TBC1D32: variants seen among roughly 807,000 people sequenced by gnomAD.
The protein encoded by TBC1D32 is protein broad-minded.
A neutral mutation model predicts 170.3 loss-of-function variants in TBC1D32; 151 were observed. The ratio of observed to expected loss-of-function variants is 0.89; its 90% confidence interval spans 0.78 to 1.01. TBC1D32 has a LOEUF of 1.01. TBC1D32 is among the 50% of genes least tolerant of loss of function. The pLI is 0.00. For synonymous variants in TBC1D32, 498 were observed against 488.0 expected (o/e 1.02, Z -0.27); for missense variants, 1,464 against 1,457.1 (o/e 1.00, Z -0.08).
intron 17 of TBC1D32, among the ~76,000 whole-genome samples, chr6:121,245,074 G>A (rs1365181149): frequency 6.6e-6 from 1 of 152,160 alleles, no homozygotes; most frequent in African/African-American, 2.4e-5. Context: ...ATGGCTGTGG[G>A]ACTTCAGCTA....
At chr6:121,119,716 T>C (rs943954162) in intron 26 of TBC1D32, among the ~76,000 whole-genome samples, 3 of 152,164 alleles carry the variant, frequency 2.0e-5, no homozygotes, top group East Asian at 3.8e-4. Flanking sequence ...GTGCAGAAGT[T>C]TATCTGTTTG....
chr6:121,334,104 G>A (rs551012541), intron 1 of TBC1D32, among the ~76,000 whole-genome samples, 172 bp downstream of exon 1: 11 of 152,178 alleles, frequency 7.2e-5, no homozygotes, highest in African/African-American at 2.4e-4. Context: ...GAAGCTTTAG[G>A]AAATAAGAAT....
At chr6:121,096,844 C>T (rs112507878) in intron 30 of TBC1D32, among the ~76,000 whole-genome samples, 2,185 of 152,176 alleles carry the variant, frequency 0.014, 14 homozygotes, top group Middle Eastern at 0.031. Context: ...GGTACCAAAA[C>T]AGATATATAG....
chr6:121,291,025 G>A lies in TBC1D32; in HGVS notation c.1372+1028C>T, dbSNP rs192415505. ...GGGGTTGGGGGAGGGTGGATGGATA[G>A]CATTAGGAGATATACCTAATGTTAA... On this transcript the variant is annotated intron_variant, in intron 12 of 31. Transcript: ENST00000398212. Among the ~76,000 whole-genome samples, 84 of 152,194 alleles carry A rather than the reference G, an allele frequency of 5.5e-4. 2 individuals are homozygous for A. In the East Asian group the frequency reaches 0.016, roughly 28 times the overall value.
At chr6:121,302,118 G>C (rs1299519033) in intron 9 of TBC1D32, among the ~76,000 whole-genome samples, 3 of 152,098 alleles carry the variant, frequency 2.0e-5, no homozygotes, top group African/African-American at 4.8e-5. Flanking sequence ...GTTCTGAAAA[G>C]AAATCCTCAT....
chr6:121,313,262 T>A (rs1808494723), intron 3 of TBC1D32, among the ~76,000 whole-genome samples: 1 of 149,034 alleles, frequency 6.7e-6, no homozygotes, highest in Non-Finnish European at 1.5e-5. Flanking sequence ...TGAACTACCA[T>A]GCCTGGCCTT....
At chr6:121,111,620 T>C (rs1269916157) in intron 29 of TBC1D32, among the ~76,000 whole-genome samples, 1 of 152,198 alleles carries the variant, frequency 6.6e-6, no homozygotes, top group African/African-American at 2.4e-5. Context: ...TTTCTCATTA[T>C]GGTGAAGAAC....
chr6:121,204,773 C>G (rs1002506026), intron 22 of TBC1D32, among the ~76,000 whole-genome samples: 1 of 146,938 alleles, frequency 6.8e-6, no homozygotes, highest in African/African-American at 2.7e-5. Context: ...CAAATACCAA[C>G]CCAGGGAAGG....
At chr6:121,153,146 C>T (rs1784418922) in intron 24 of TBC1D32, among the ~76,000 whole-genome samples, 1 of 151,984 alleles carries the variant, frequency 6.6e-6, no homozygotes, top group Non-Finnish European at 1.5e-5. Context: ...ATTTATCTAC[C>T]TTTGGTCTTT....
intron 31 of TBC1D32, among the ~76,000 whole-genome samples, chr6:121,081,730 C>A (rs531791304): frequency 3.2e-4 from 49 of 151,708 alleles, no homozygotes; most frequent in Admixed American, 1.8e-3. Context: ...ACAGAAGAAA[C>A]CTCAATATAG....
At chr6:121,264,588 C>T (rs145206015) in intron 15 of TBC1D32, among the ~76,000 whole-genome samples, 2,868 of 152,180 alleles carry the variant, frequency 0.019, 32 homozygotes, top group South Asian at 0.042. Context: ...ATCCTGATAC[C>T]AAAGCCTGGC....
chr6:121,274,479 T>A (rs1801961290), intron 15 of TBC1D32, among the ~76,000 whole-genome samples: 1 of 146,586 alleles, frequency 6.8e-6, no homozygotes, highest in Non-Finnish European at 1.5e-5. Flanking sequence ...ATAGAACAGA[T>A]AAGAATGTCC....
chr6:121,160,433 C>T (rs1228413149), intron 23 of TBC1D32, among the ~76,000 whole-genome samples: 1 of 151,624 alleles, frequency 6.6e-6, no homozygotes, highest in East Asian at 1.9e-4. Context: ...TGGTTTTTTC[C>T]ACAAAACTTT....
chr6:121,135,431 G>A (rs1170690917), intron 24 of TBC1D32, among the ~76,000 whole-genome samples: 1 of 152,084 alleles, frequency 6.6e-6, no homozygotes, highest in Non-Finnish European at 1.5e-5. Context: ...TCAAATAACT[G>A]TTTTCAGACA....
rs1223164615 is a variant in TBC1D32, at chr6:121,299,448, G to C, written c.1138C>G (p.Leu380Val). ...LRLLETKYKS[L>V]VTTAIQQCVQ... ...TAAAAACAGAATTACAGACTTACCAGAGACTTATATTTCGTTTCAAGAAGT... is the reference window on the plus strand; with the variant it reads ...TAAAAACAGAATTACAGACTTACCACAGACTTATATTTCGTTTCAAGAAGT... Residue 380 changes from leucine to valine, a missense_variant and splice_region_variant, in exon 10 of 32, where the codon CTG becomes GTG. By Grantham distance (32) the Leu-to-Val change is conservative. Around this residue, in one of 3 missense-constraint regions of TBC1D32, gnomAD observed 1,363 missense variants for 1,338.1 expected, o/e 1.02. Transcript: ENST00000398212. 1.3e-6 allele frequency: 2 copies of C among 1,503,152 alleles called. No individual in the cohort carries two copies. Among genetic ancestry groups the C allele is most frequent in the Admixed American group, 3.7e-5 (2 of 54,456 alleles). The allele number at this position is 1,503,152 out of a possible 1,614,324, so 93.1% of individuals were successfully genotyped here.
intron 26 of TBC1D32, among the ~76,000 whole-genome samples, chr6:121,117,566 G>A (rs1779811094): frequency 6.6e-6 from 1 of 152,046 alleles, no homozygotes; most frequent in South Asian, 2.1e-4. Context: ...GCCAGGCGTG[G>A]TGGCACATGT....
chr6:121,180,544 A>G (rs59186150), intron 22 of TBC1D32, among the ~76,000 whole-genome samples: 1,887 of 152,238 alleles, frequency 0.012, 38 homozygotes, highest in African/African-American at 0.043. Flanking sequence ...GAATATTCAT[A>G]TGTAGAAGAA....
At chr6:121,161,985 T>C (rs1253201217) in intron 22 of TBC1D32, among the ~76,000 whole-genome samples, 1 of 152,250 alleles carries the variant, frequency 6.6e-6, no homozygotes, top group Non-Finnish European at 1.5e-5. Context: ...TGTCTTCTTT[T>C]GAGAAGCATC....
At chr6:121,291,186 C>T (rs961754688) in intron 12 of TBC1D32, among the ~76,000 whole-genome samples, 20 of 151,700 alleles carry the variant, frequency 1.3e-4, no homozygotes, top group African/African-American at 4.6e-4. Flanking sequence ...AGGTACTCCA[C>T]ATAAATCACA....
Sources: gnomAD v4.1 joint callset for allele counts (sites outside exome capture counted in the v4.1 genomes callset) on GRCh38, gnomAD v4.1.1 for gene constraint, gnomAD v4.1.1 regional missense constraint, MANE v1.5 for transcripts, NCBI Gene and HGNC (gene_info 2026-07-23, HGNC 2026-07-21) for gene names.